LIMCH1: variants seen among roughly 807,000 people sequenced by gnomAD.
LIMCH1 encodes LIM and calponin homology domains-containing protein 1.
A neutral mutation model predicts 176.5 loss-of-function variants in LIMCH1; 113 were observed. That is an observed-to-expected ratio of 0.64 (90% CI 0.55 to 0.75). The LOEUF (loss-of-function observed/expected upper bound fraction) is 0.75. Ranked by LOEUF, LIMCH1 falls within the 30% of genes least tolerant of loss-of-function variation. LIMCH1 has a pLI of 0.00. For missense variants in LIMCH1, 1,674 were observed against 1,814.9 expected, an observed-to-expected ratio of 0.92 and a Z score of 1.41; for synonymous variants, 619 against 645.9, an observed-to-expected ratio of 0.96 and a Z score of 0.63.
At chr4:41,382,745 C>CT (rs1247749696) in intron 1 of LIMCH1, among the ~76,000 whole-genome samples, 1 of 152,210 alleles carries the variant, frequency 6.6e-6, no homozygotes, top group African/African-American at 2.4e-5. Context: ...TCAGGGAAGT[C>CT]TTTTTGGTAG....
chr4:41,573,675 G>C (rs1013462933), intron 1 of LIMCH1, among the ~76,000 whole-genome samples: 1 of 152,170 alleles, frequency 6.6e-6, no homozygotes, highest in African/African-American at 2.4e-5. Flanking sequence ...AAATCAACTT[G>C]TGATGAGCAA....
At chr4:41,635,069 C>A (rs188981284) in intron 13 of LIMCH1, among the ~76,000 whole-genome samples, 64 of 152,292 alleles carry the variant, frequency 4.2e-4, no homozygotes, top group Admixed American at 4.0e-3. Flanking sequence ...GAATTTTCAT[C>A]TGCATTTTGC....
At chr4:41,686,034 A>G (rs1212970214) in intron 28 of LIMCH1, among the ~76,000 whole-genome samples, 1 of 152,216 alleles carries the variant, frequency 6.6e-6, no homozygotes. Flanking sequence ...CTCTGAATTT[A>G]TCAAGTTGTA....
At chr4:41,559,943 C>CA (rs941077183) in intron 1 of LIMCH1, among the ~76,000 whole-genome samples, 9 of 152,042 alleles carry the variant, frequency 5.9e-5, no homozygotes, top group Non-Finnish European at 1.3e-4. Context: ...GTCCATATGC[C>CA]AAAAATTCCC....
At chr4:41,423,060 G>T (rs923519878) in intron 1 of LIMCH1, among the ~76,000 whole-genome samples, 3 of 152,110 alleles carry the variant, frequency 2.0e-5, no homozygotes, top group African/African-American at 7.2e-5. Flanking sequence ...ACCCAGCCTG[G>T]GGATTTAAAA....
intron 1 of LIMCH1, among the ~76,000 whole-genome samples, chr4:41,548,774 G>A (rs984568788): frequency 3.9e-5 from 6 of 152,016 alleles, no homozygotes; most frequent in African/African-American, 7.2e-5. Context: ...GAGAAGAGTC[G>A]TGAAAAACTG....
intron 1 of LIMCH1, among the ~76,000 whole-genome samples, chr4:41,386,801 G>A (rs2056554285): frequency 6.6e-6 from 1 of 152,348 alleles, no homozygotes; most frequent in Non-Finnish European, 1.5e-5. Flanking sequence ...GACAGCCTAG[G>A]TAACTTATCA....
At chr4:41,590,941 G>GGCAA (rs1487060045) in intron 1 of LIMCH1, among the ~76,000 whole-genome samples, 2 of 152,058 alleles carry the variant, frequency 1.3e-5, no homozygotes, top group African/African-American at 4.8e-5. Context: ...TTAATTATGT[G>GGCAA]GTAAGTTCCT....
At chr4:41,462,929 C>T (rs2065585575) in intron 1 of LIMCH1, among the ~76,000 whole-genome samples, 1 of 151,820 alleles carries the variant, frequency 6.6e-6, no homozygotes, top group Admixed American at 6.6e-5. Flanking sequence ...ATGAAATCAG[C>T]GAGCATAGGT....
chr4:41,500,450 T>C (rs1004397877), intron 2 of LIMCH1, among the ~76,000 whole-genome samples: 10 of 152,360 alleles, frequency 6.6e-5, no homozygotes, highest in Middle Eastern at 3.4e-3. Context: ...AAAAATTCTC[T>C]ATAGATAACG....
intron 3 of LIMCH1, among the ~76,000 whole-genome samples, chr4:41,527,528 A>G (rs562192481): frequency 1.3e-5 from 2 of 152,330 alleles, no homozygotes; most frequent in East Asian, 1.9e-4. Flanking sequence ...TGTCAGCGTC[A>G]TTAAAAATAC....
At chr4:41,613,215 A>T in intron 4 of LIMCH1, 1 of 985,436 alleles carries the variant, frequency 1.0e-6, no homozygotes, top group Non-Finnish European at 1.5e-6. Context: ...AACCTAGGGA[A>T]TATGAGTTAT....
At chr4:41,480,420 A>C (rs550261290) in intron 1 of LIMCH1, among the ~76,000 whole-genome samples, 15 of 152,304 alleles carry the variant, frequency 9.8e-5, no homozygotes, top group African/African-American at 3.4e-4. Flanking sequence ...CACCCTGGCC[A>C]ACATGGTGAA....
chr4:41,538,865 A>G (rs2078263491), intron 1 of LIMCH1, among the ~76,000 whole-genome samples: 2 of 152,148 alleles, frequency 1.3e-5, no homozygotes, highest in African/African-American at 2.4e-5. Context: ...AGCAAGGAAG[A>G]CATTGGGGAG....
chr4:41,525,610 C>T (rs964550371), intron 3 of LIMCH1, among the ~76,000 whole-genome samples: 3 of 151,766 alleles, frequency 2.0e-5, no homozygotes, highest in East Asian at 1.9e-4. Context: ...GGTGATTAGT[C>T]GTTAAAAATC....
At chr4:41,501,520 A>C (rs563109839) in intron 2 of LIMCH1, among the ~76,000 whole-genome samples, 138 of 152,328 alleles carry the variant, frequency 9.1e-4, no homozygotes, top group African/African-American at 3.3e-3. Flanking sequence ...CGCCACATCA[A>C]AAGGAGACAG....
intron 17 of LIMCH1, among the ~76,000 whole-genome samples, chr4:41,647,631 C>T (rs369370557): frequency 6.6e-6 from 1 of 152,206 alleles, no homozygotes; most frequent in East Asian, 1.9e-4. Context: ...ATCAGTTCCC[C>T]TTGTCCTTGC....
At chr4:41,497,675 G>C (rs2072441435) in intron 2 of LIMCH1, among the ~76,000 whole-genome samples, 2 of 151,952 alleles carry the variant, frequency 1.3e-5, no homozygotes. Flanking sequence ...CTTGGTGGCG[G>C]ATGCCTGTAA....
Position 41,684,533 on chromosome 4 carries a change from G to A in LIMCH1, c.3967+15G>A. 6.2e-7 allele frequency: 1 copy of A among 1,610,980 alleles called. No individual in the cohort carries two copies. Among genetic ancestry groups the A allele is most frequent in the Non-Finnish European group, 8.5e-7 (1 of 1,178,776 alleles). On this transcript the variant is annotated intron_variant, in intron 27 of 31. Transcript: ENST00000503057. ...GCTTGCTCAGGGTAAGAATGGAGAAGACCAGTTTCATTCAATGTTTAAATT... is the reference window on the plus strand; with the variant it reads ...GCTTGCTCAGGGTAAGAATGGAGAAAACCAGTTTCATTCAATGTTTAAATT...
Sources: allele counts gnomAD v4.1 joint callset (sites outside exome capture counted in the v4.1 genomes callset), GRCh38; gene constraint gnomAD v4.1.1; transcripts MANE v1.5; gene names NCBI Gene and HGNC (gene_info 2026-07-23, HGNC 2026-07-21).